GNA11: variants seen among roughly 807,000 people sequenced by gnomAD.
GNA11 encodes the protein guanine nucleotide-binding protein subunit alpha-11.
GNA11 carries 8 observed loss-of-function variants against 38.2 expected under a neutral mutation model. The observed-to-expected ratio is 0.21, with a 90% CI of 0.12 to 0.38. The LOEUF is 0.38. Among genes scored for constraint, GNA11 ranks in the 10% least tolerant of loss-of-function variants. GNA11 has a pLI of 1.00. For missense variants in GNA11, 268 were observed against 516.3 expected (o/e 0.52, Z 4.66); for synonymous variants, 211 against 221.4 (o/e 0.95, Z 0.42).
In GNA11 at chr19:3,108,896, A is replaced by G. The variant is rs1021663914; in HGVS notation, c.137-1253A>G. On this transcript the variant is annotated intron_variant, in intron 1 of 6. Coordinates refer to ENST00000078429, the MANE Select transcript of GNA11 (RefSeq NM_002067.5). This position sits in a 1 kb window ranked among gnomAD's most constrained non-coding sequence, Gnocchi z 4.5. ...CTAGTGGCTGTTGGTGGGAGGCCTCAGTTCCTCACCACGTGGGCCTCTCCG... is the reference window on the plus strand; with the variant it reads ...CTAGTGGCTGTTGGTGGGAGGCCTCGGTTCCTCACCACGTGGGCCTCTCCG... Among the ~76,000 whole-genome samples the G allele has an allele frequency of 4.6e-5, 7 of 152,170 alleles. No homozygotes were observed. The highest frequency in any genetic ancestry group is 2.6e-4 in the Admixed American group (4 of 15,276).
intron 4 of GNA11, among the ~76,000 whole-genome samples, chr19:3,116,803 AG>A (rs1409958100): frequency 1.3e-5 from 2 of 152,170 alleles, no homozygotes; most frequent in East Asian, 3.9e-4. Context: ...CCTCCCTGCC[AG>A]GGTGTCCCCA....
At chr19:3,114,582 CCT>C (rs1408706501) in intron 3 of GNA11, among the ~76,000 whole-genome samples, 2 of 152,196 alleles carry the variant, frequency 1.3e-5, no homozygotes, top group African/African-American at 4.8e-5. Flanking sequence ...GCCAGCCAGG[CCT>C]CTCTCGGGAA....
intron 1 of GNA11, among the ~76,000 whole-genome samples, chr19:3,103,356 G>T (rs190368450): frequency 1.3e-5 from 2 of 151,564 alleles, no homozygotes; most frequent in Non-Finnish European, 2.9e-5. Context: ...GGGATTACAG[G>T]CGCATGCCAC....
chr19:3,104,833 G>C (rs1568280374), intron 1 of GNA11, among the ~76,000 whole-genome samples: 1 of 152,254 alleles, frequency 6.6e-6, no homozygotes. Flanking sequence ...TGCTGTGGGG[G>C]TGCTGGGCGC....
At position 3,120,131 on chromosome 19, in the gene GNA11, C is replaced by T. The variant is rs1366067166; in HGVS notation, c.889+772C>T. On this transcript the variant is annotated intron_variant, in intron 6 of 6. Transcript: ENST00000078429. This position sits in a 1 kb window ranked among gnomAD's most constrained non-coding sequence, Gnocchi z 5.9. Reference sequence around the variant, plus strand: ...GGATCTGTGCTCCTCCCGTGAGTCTCGGGTGTCATCTTCGGGAGGGCCCCT... The same window carrying T: ...GGATCTGTGCTCCTCCCGTGAGTCTTGGGTGTCATCTTCGGGAGGGCCCCT... 6.6e-6 allele frequency among the ~76,000 whole-genome samples: 1 copy of T among 152,126 alleles called. No individual in the cohort carries two copies.
intron 1 of GNA11, among the ~76,000 whole-genome samples, chr19:3,103,789 C>T (rs906882915): frequency 2.6e-5 from 4 of 151,724 alleles, no homozygotes; most frequent in African/African-American, 7.3e-5. Flanking sequence ...CCACAAGCTC[C>T]GCCTCCTGAT....
intron 3 of GNA11, among the ~76,000 whole-genome samples, chr19:3,114,252 C>G (rs916326118): frequency 2.6e-5 from 4 of 152,194 alleles, no homozygotes; most frequent in African/African-American, 4.8e-5. Flanking sequence ...AGCAGGCACC[C>G]GGCCTCTTAC....
intron 1 of GNA11, among the ~76,000 whole-genome samples, chr19:3,106,453 C>G (rs904651089): frequency 6.6e-6 from 1 of 152,244 alleles, no homozygotes; most frequent in African/African-American, 2.4e-5. Context: ...CGCCCTTGGC[C>G]TCTGTACGGC....
chr19:3,097,848 C>T (rs543418034), intron 1 of GNA11, among the ~76,000 whole-genome samples: 1 of 152,334 alleles, frequency 6.6e-6, no homozygotes, highest in Non-Finnish European at 1.5e-5. Flanking sequence ...CTGCCCTGGG[C>T]ACTGCAGGGT....
chr19:3,098,047 A>C (rs915698395), intron 1 of GNA11, among the ~76,000 whole-genome samples: 9 of 152,192 alleles, frequency 5.9e-5, no homozygotes, highest in Admixed American at 1.3e-4. Flanking sequence ...ATGAGTGCAA[A>C]TTATTTTGTC....
Position 3,119,782 on chromosome 19 carries a change from G to A in GNA11, c.889+423G>A, listed in dbSNP as rs544123233. On this transcript the variant is annotated intron_variant, in intron 6 of 6. Coordinates refer to ENST00000078429, the MANE Select transcript of GNA11 (RefSeq NM_002067.5). This position sits in a 1 kb window ranked among gnomAD's most constrained non-coding sequence, Gnocchi z 4.6. ...GATCCCATATGGGAGGGGTCTCACA[G>A]GAAGGGTTCACGCACACTGCCAGCG... Among the ~76,000 whole-genome samples the A allele has an allele frequency of 4.7e-3, 715 of 151,928 alleles. 5 individuals are homozygous for A. The highest frequency in any genetic ancestry group is 8.2e-3 in the Non-Finnish European group (557 of 67,868).
chr19:3,103,020 G>C (rs1327995853), intron 1 of GNA11, among the ~76,000 whole-genome samples: 2 of 152,182 alleles, frequency 1.3e-5, no homozygotes, highest in Non-Finnish European at 2.9e-5. Context: ...CCGCAGCCTG[G>C]TGGGGGCTTC....
chr19:3,099,112 C>T (rs570004166), intron 1 of GNA11, among the ~76,000 whole-genome samples: 3 of 152,306 alleles, frequency 2.0e-5, no homozygotes, highest in South Asian at 4.1e-4. Flanking sequence ...GAGCCTGTCT[C>T]TGTCTGGGAC....
At position 3,122,518 on chromosome 19, in the gene GNA11, C is replaced by T. The variant is rs768308434; in HGVS notation, c.*1339C>T. 3.0e-4 allele frequency: 70 copies of T among 232,520 alleles called. No homozygotes were observed. The highest frequency in any genetic ancestry group is 5.3e-4 in the Non-Finnish European group (62 of 117,586). The allele number at this position is 232,520 out of a possible 1,614,324, so 14.4% of individuals were successfully genotyped here. On this transcript the variant is annotated 3_prime_UTR_variant, in exon 7 of 7. Coordinates refer to ENST00000078429, the MANE Select transcript of GNA11 (RefSeq NM_002067.5). The surrounding 1 kb of genome is among the most constrained non-coding windows in gnomAD (Gnocchi z 7.7). ...GGGGCCCCTTGAGGCACTGAGGCAC[C>T]GAGACTGGTTCTCCCCGAGAGACTC...
At position 3,119,008 on chromosome 19, in the gene GNA11, C is replaced by T. The variant is rs747291840; in HGVS notation, c.690C>T (p.Val230=). Residue 230 remains valine, a synonymous_variant, in exon 5 of 7, where the codon GTC becomes GTT. Coordinates refer to ENST00000078429, the MANE Select transcript of GNA11 (RefSeq NM_002067.5). This position sits in a 1 kb window ranked among gnomAD's most constrained non-coding sequence, Gnocchi z 4.6. ...ACGTGACATCCATCATGTTTCTCGT[C>T]GCCCTCAGCGAATACGACCAAGTCC... ...FENVTSIMFL[V]ALSEYDQVLV... is the part of the protein sequence containing the mutation. 6 of 1,613,854 alleles carry T rather than the reference C, an allele frequency of 3.7e-6. No individual in the cohort carries two copies. The highest frequency in any genetic ancestry group is 3.3e-5 in the South Asian group (3 of 91,084).
Position 3,113,503 on chromosome 19 carries a change from C to T in GNA11, c.476+19C>T, listed in dbSNP as rs762263351. ...CCAAGTAGTAAGTGCGGCCGCACCG[C>T]TGGCGGCCTGGGGACGGCAGCTGCG... On this transcript the variant is annotated intron_variant, in intron 3 of 6. Transcript: ENST00000078429. 1 of 1,546,224 alleles carries T rather than the reference C, an allele frequency of 6.5e-7. No individual in the cohort carries two copies. The highest frequency in any genetic ancestry group is 1.4e-5 in the African/African-American group (1 of 71,862).
At chr19:3,101,791 G>T (rs537709904) in intron 1 of GNA11, among the ~76,000 whole-genome samples, 12 of 152,262 alleles carry the variant, frequency 7.9e-5, no homozygotes, top group African/African-American at 2.4e-4. Flanking sequence ...GTGAGGAGAC[G>T]GGAGCTTAGA....
chr19:3,114,959 T>G lies in GNA11; in HGVS notation c.492T>G (p.Val164=). 6.2e-7 allele frequency: 1 copy of G among 1,612,464 alleles called. No individual in the cohort carries two copies. The highest frequency in any genetic ancestry group is 8.5e-7 in the Non-Finnish European group (1 of 1,179,566). The part of the protein sequence containing the change: ...SDSAKYYLTD[V]DRIATLGYLP... ...TGTGTTGCAGCTACCTGACCGACGT[T>G]GACCGCATCGCCACCTTGGGCTACC... Residue 164 remains valine (V), a synonymous_variant, in exon 4 of 7, where the codon GTT becomes GTG. Transcript: ENST00000078429.
Position 3,110,234 on chromosome 19 carries a change from C to G in GNA11, c.222C>G (p.Gly74=). ...GCTACTCGGAGGAGGACAAGCGCGGCTTCACCAAGCTCGTCTACCAGAACA... is the reference window on the plus strand; with the variant it reads ...GCTACTCGGAGGAGGACAAGCGCGGGTTCACCAAGCTCGTCTACCAGAACA... ...GAGYSEEDKR[G]FTKLVYQNIF... Residue 74 remains glycine (G), a synonymous_variant, in exon 2 of 7, where the codon GGC becomes GGG. Transcript: ENST00000078429. This position sits in a 1 kb window ranked among gnomAD's most constrained non-coding sequence, Gnocchi z 5.4. The G allele has an allele frequency of 2.5e-6, 4 of 1,613,946 alleles. No individual in the cohort carries two copies. Among genetic ancestry groups the G allele is most frequent in the Non-Finnish European group, 3.4e-6 (4 of 1,179,902 alleles).
Sources: gnomAD v4.1 joint callset for allele counts (sites outside exome capture counted in the v4.1 genomes callset) on GRCh38, gnomAD v4.1.1 for gene constraint, Gnocchi (gnomAD v3.1) non-coding constraint, MANE v1.5 for transcripts, NCBI Gene and HGNC (gene_info 2026-07-23, HGNC 2026-07-21) for gene names.